Variants in ZNF500 observed in about 807,000 individuals in gnomAD.
ZNF500 encodes the protein zinc finger protein with KRAB and SCAN domains 18.
A neutral mutation model predicts 30.1 loss-of-function variants in ZNF500; 31 were observed. That is an observed-to-expected ratio of 1.03 (90% CI 0.77 to 1.39). The LOEUF (loss-of-function observed/expected upper bound fraction) is 1.39, where lower values mean the gene tolerates loss of function less well. ZNF500 is among the 40% of genes most tolerant of loss of function. ZNF500 has a pLI of 0.00. For synonymous variants in ZNF500, 392 were observed against 282.0 expected (o/e 1.39, Z -3.91); for missense variants, 817 against 657.8 (o/e 1.24, Z -2.65).
rs2082103441 is a variant in ZNF500 at position 4,753,154 on chromosome 16, G to A, written c.761-96C>T. ...ATGAAGGCCTCACAGGGCTCCTAAG[G>A]TTCCCCTACAAAACATTTAGCAGGG... On this transcript the variant is annotated intron_variant, in intron 5 of 5. Transcript: ENST00000219478. 1.9e-5 allele frequency: 28 copies of A among 1,457,268 alleles called. No individual in the cohort carries two copies. In the South Asian group the frequency reaches 3.6e-4, roughly 19 times the overall value. 90.3% of individuals were successfully genotyped at this position (1,457,268 alleles called of 1,614,324 possible).
At chr16:4,746,842 C>T (rs2082023397), downstream of ZNF500, 7 of 1,289,836 alleles carry the variant, frequency 5.4e-6, no homozygotes, top group East Asian at 1.9e-4. Flanking sequence ...GGGTCACCAG[C>T]AAAGCCCGAG....
intron 5 of ZNF500, among the ~76,000 whole-genome samples, chr16:4,754,976 C>G (rs1350549842): frequency 6.6e-6 from 1 of 152,188 alleles, no homozygotes; most frequent in African/African-American, 2.4e-5. Flanking sequence ...CGGCACCTCC[C>G]CTCGCTCCTT....
In ZNF500 at chr16:4,765,989, G is replaced by A. The variant is rs1596509417; in HGVS notation, c.-11C>T. On this transcript the variant is annotated 5_prime_UTR_variant, in exon 2 of 6. Transcript: ENST00000219478. ...AGGGACAGTGGCCATTGCTTCCGGTGGGCCTTGTTCCTTTTCAGGCCTTAG... is the reference window on the plus strand; with the variant it reads ...AGGGACAGTGGCCATTGCTTCCGGTAGGCCTTGTTCCTTTTCAGGCCTTAG... The A allele has an allele frequency of 3.2e-6, 5 of 1,541,118 alleles. No individual in the cohort carries two copies. Among genetic ancestry groups the A allele is most frequent in the Non-Finnish European group, 4.4e-6 (5 of 1,149,174 alleles).
downstream of ZNF500, chr16:4,744,994 G>C: frequency 6.2e-7 from 1 of 1,613,418 alleles, no homozygotes; most frequent in Admixed American, 1.7e-5. Flanking sequence ...ACACCAAAGA[G>C]GCAGATTCAG....
At chr16:4,758,026 C>T (rs1444612592) in intron 5 of ZNF500, among the ~76,000 whole-genome samples, 1 of 151,572 alleles carries the variant, frequency 6.6e-6, no homozygotes, top group East Asian at 1.9e-4. Context: ...CTCAGCCTCC[C>T]AAGTAGCTGG....
intron 2 of ZNF500, chr16:4,763,688 A>G (rs2082232598): frequency 7.1e-6 from 7 of 985,120 alleles, no homozygotes; most frequent in Non-Finnish European, 8.4e-6. Flanking sequence ...ATGTGTGCAG[A>G]GGTGTCGGTG....
At chr16:4,759,107 G>C (rs1247505512) in intron 5 of ZNF500, among the ~76,000 whole-genome samples, 2 of 151,966 alleles carry the variant, frequency 1.3e-5, no homozygotes, top group Non-Finnish European at 2.9e-5. Context: ...TACTTTGGGA[G>C]GCTGAGGCAG....
chr16:4,753,445 G>A (rs1441159354), intron 5 of ZNF500, among the ~76,000 whole-genome samples: 1 of 152,216 alleles, frequency 6.6e-6, no homozygotes, highest in Non-Finnish European at 1.5e-5. Flanking sequence ...CCGGGTGACG[G>A]CATGAGACCC....
In ZNF500 at chr16:4,762,315, G is replaced by A; in HGVS notation, c.619C>T (p.Gln207Ter). Residue 207 changes from glutamine to a stop codon, truncating the protein, a stop_gained, in exon 4 of 6, where the codon CAG becomes TAG. Coordinates refer to ENST00000219478, the MANE Select transcript of ZNF500 (RefSeq NM_021646.4). LOFTEE classifies it high-confidence loss of function. The stretch of plus-strand genomic sequence containing the variant: ...AAGGGCGAGGCTGACGCCATCTCCT[G>A]ATGCCGGGGAGCTGGAGGGCCTGGG... ...PERGPPAPRH[Q>*]EMASASPFLS... 1.2e-6 allele frequency: 2 copies of A among 1,609,954 alleles called. No individual in the cohort carries two copies. Among genetic ancestry groups the A allele is most frequent in the African/African-American group, 2.7e-5 (2 of 74,952 alleles).
chr16:4,745,798 A>G (rs2082007483), downstream of ZNF500, among the ~76,000 whole-genome samples: 1 of 151,980 alleles, frequency 6.6e-6, no homozygotes, highest in Non-Finnish European at 1.5e-5. Flanking sequence ...TAAAAACACA[A>G]AAAAATTTTC....
intron 2 of ZNF500, chr16:4,763,936 G>T (rs1207303086): frequency 2.0e-6 from 2 of 985,352 alleles, no homozygotes; most frequent in Non-Finnish European, 2.4e-6. Context: ...CAGCTGGTCA[G>T]CACTGCCCAT....
rs1381046961 is a variant in ZNF500, at chr16:4,752,992, T to C, written c.827A>G (p.Tyr276Cys). The C allele has an allele frequency of 1.2e-5, 19 of 1,590,820 alleles. No individual in the cohort carries two copies. Among genetic ancestry groups the C allele is most frequent in the Non-Finnish European group, 1.5e-5 (18 of 1,168,832 alleles). ...REDAPLRMEW[Y>C]RVLSARCQGP... ...CTGGCATCGTGCCGAGAGCACTCGG[T>C]ACCACTCCATTCTCAACGGGGCATC... is the stretch of plus-strand genomic sequence containing the variant. Residue 276 changes from tyrosine to cysteine, a missense_variant, in exon 6 of 6, where the codon TAC (tyrosine) becomes TGC (cysteine). Coordinates refer to ENST00000219478, the MANE Select transcript of ZNF500 (RefSeq NM_021646.4).
intron 4 of ZNF500, among the ~76,000 whole-genome samples, chr16:4,761,776 G>A (rs898909803): frequency 6.6e-6 from 1 of 151,850 alleles, no homozygotes; most frequent in African/African-American, 2.4e-5. Context: ...AGGATCCCTT[G>A]AGCCTGGGAG....
rs1451828905 is a variant in ZNF500, at chr16:4,749,353, G to C, written c.*3023C>G. On this transcript the variant is annotated 3_prime_UTR_variant, in exon 6 of 6. Transcript: ENST00000219478. ...TTTTTAATGCCAGTAACCTCACTGA[G>C]AATGTTTTACAGTGATGGAAAATAA... The C allele has an allele frequency of 6.5e-6, 1 of 154,406 alleles. No individual in the cohort carries two copies. Among genetic ancestry groups the C allele is most frequent in the Non-Finnish European group, 1.5e-5 (1 of 68,228 alleles). The allele number at this position is 154,406 out of a possible 1,614,324, so 9.6% of individuals were successfully genotyped here. A position where few individuals can be genotyped will look rare whatever the true frequency, so the allele number is the denominator to read the frequency against.
chr16:4,762,427 C>T, intron 3 of ZNF500, 92 bp from the exon 4 acceptor site: 2 of 1,522,792 alleles, frequency 1.3e-6, no homozygotes, highest in Non-Finnish European at 1.8e-6. Flanking sequence ...AGCCCGGCGG[C>T]TGCCCACCCA....
intron 1 of ZNF500, among the ~76,000 whole-genome samples, chr16:4,766,294 T>G (rs977613878): frequency 6.6e-6 from 1 of 152,104 alleles, no homozygotes; most frequent in African/African-American, 2.4e-5. Flanking sequence ...CAAACAGAGA[T>G]GATAACAGGA....
chr16:4,756,853 T>C (rs898627852), intron 5 of ZNF500, among the ~76,000 whole-genome samples: 1 of 151,970 alleles, frequency 6.6e-6, no homozygotes, highest in Non-Finnish European at 1.5e-5. Flanking sequence ...ATGGTGGCAT[T>C]GACCTGTGGT....
intron 5 of ZNF500, among the ~76,000 whole-genome samples, chr16:4,757,264 C>T (rs891857830): frequency 2.6e-5 from 4 of 152,124 alleles, no homozygotes; most frequent in African/African-American, 4.8e-5. Flanking sequence ...ACGGGTTGCC[C>T]GTGAATTTCA....
chr16:4,745,205 C>G (rs553744096), downstream of ZNF500, among the ~76,000 whole-genome samples: 4 of 152,230 alleles, frequency 2.6e-5, no homozygotes, highest in Non-Finnish European at 5.9e-5. Context: ...GAGGTTGACT[C>G]TCTCTGGCCA....
Sources: gnomAD v4.1 joint callset for allele counts (sites outside exome capture counted in the v4.1 genomes callset) on GRCh38, gnomAD v4.1.1 for gene constraint, MANE v1.5 for transcripts, NCBI Gene and HGNC (gene_info 2026-07-23, HGNC 2026-07-21) for gene names.